The following GPC5 variants were observed in gnomAD, a reference collection of about 807,000 sequenced individuals.
GPC5 encodes the protein glypican 5.
A neutral mutation model predicts 53.9 loss-of-function variants in GPC5; 47 were observed. That is an observed-to-expected ratio of 0.87 (90% CI 0.69 to 1.11). GPC5 has a LOEUF of 1.11. GPC5 is among the 50% of genes most tolerant of loss of function. The pLI is 0.00. For missense variants in GPC5, 748 were observed against 713.1 expected, an observed-to-expected ratio of 1.05 and a Z score of -0.56; for synonymous variants, 286 against 263.3, an observed-to-expected ratio of 1.09 and a Z score of -0.84.
intron 2 of GPC5, among the ~76,000 whole-genome samples, chr13:91,556,570 TACAC>T (rs779133756): frequency 6.7e-6 from 1 of 149,776 alleles, no homozygotes; most frequent in African/African-American, 2.5e-5. Flanking sequence ...TATATATATA[TACAC>T]ACACACAGAC....
chr13:92,570,759 A>C (rs1458561773), intron 7 of GPC5, among the ~76,000 whole-genome samples: 1 of 152,142 alleles, frequency 6.6e-6, no homozygotes, highest in Non-Finnish European at 1.5e-5. Context: ...TCTGAATTGA[A>C]ATTTAACTAC....
chr13:92,037,939 A>G (rs1393009847), intron 6 of GPC5, among the ~76,000 whole-genome samples: 1 of 152,134 alleles, frequency 6.6e-6, no homozygotes, highest in East Asian at 1.9e-4. Context: ...CTTATATCTA[A>G]AAATGATCGT....
At chr13:92,176,754 C>A (rs527887926) in intron 7 of GPC5, among the ~76,000 whole-genome samples, 1 of 152,262 alleles carries the variant, frequency 6.6e-6, no homozygotes, top group Admixed American at 6.5e-5. Context: ...CGGCCACATC[C>A]AAGCACTTCT....
intron 7 of GPC5, among the ~76,000 whole-genome samples, chr13:92,498,321 T>C (rs1207899732): frequency 6.6e-6 from 1 of 152,168 alleles, no homozygotes; most frequent in African/African-American, 2.4e-5. Flanking sequence ...AGGGGCCACA[T>C]GTGCCATATG....
Position 91,693,490 on chromosome 13 carries a change from G to A in GPC5, c.629G>A (p.Arg210Lys), listed in dbSNP as rs1456569867. 2 of 1,613,988 alleles carry A rather than the reference G, an allele frequency of 1.2e-6. No individual in the cohort carries two copies. Among genetic ancestry groups the A allele is most frequent in the African/African-American group, 2.7e-5 (2 of 74,914 alleles). ...AGTCCATTTGGTAATATTCCCCAAAGAGTAATGGGACAGATGGGGAGGTCC... is the reference window on the plus strand; with the variant it reads ...AGTCCATTTGGTAATATTCCCCAAAAAGTAATGGGACAGATGGGGAGGTCC... Reference protein sequence around the residue: ...DVSPFGNIPQRVMGQMGRSLL... With the variant: ...DVSPFGNIPQKVMGQMGRSLL... Residue 210 changes from arginine to lysine, a missense_variant, in exon 3 of 8, where the codon AGA becomes AAA. Transcript: ENST00000377067.
chr13:92,593,622 G>A (rs763343998), intron 7 of GPC5, among the ~76,000 whole-genome samples: 4 of 151,406 alleles, frequency 2.6e-5, no homozygotes, highest in Non-Finnish European at 5.9e-5. Context: ...AGAATGGGAA[G>A]AGAAGATGTT....
chr13:92,751,982 T>C lies in GPC5; in HGVS notation c.1562-114300T>C, dbSNP rs568159260. Reference sequence around the variant, plus strand: ...AAAAAAAGTTTTCATTTGTATCTAATTATGTTATGAATTGAATATAATAGT... The same window carrying C: ...AAAAAAAGTTTTCATTTGTATCTAACTATGTTATGAATTGAATATAATAGT... On this transcript the variant is annotated intron_variant, in intron 7 of 7. Coordinates refer to ENST00000377067, the MANE Select transcript of GPC5 (RefSeq NM_004466.6). Among the ~76,000 whole-genome samples the C allele has an allele frequency of 4.6e-5, 7 of 152,236 alleles. 1 individual carries two copies. In the South Asian group the frequency reaches 1.5e-3, roughly 32 times the overall value.
intron 2 of GPC5, among the ~76,000 whole-genome samples, chr13:91,690,262 TAGAGA>T (rs1340229584): frequency 3.3e-5 from 5 of 152,196 alleles, no homozygotes; most frequent in Non-Finnish European, 7.4e-5. Context: ...CATGTGTTAT[TAGAGA>T]AAAGTTTTAA....
chr13:92,719,540 A>G (rs1281849377), intron 7 of GPC5, among the ~76,000 whole-genome samples: 2 of 152,308 alleles, frequency 1.3e-5, no homozygotes, highest in East Asian at 3.9e-4. Flanking sequence ...ATAGCTTTTC[A>G]AAACTATCAG....
At chr13:92,066,191 A>G (rs2041166081) in intron 6 of GPC5, among the ~76,000 whole-genome samples, 1 of 152,050 alleles carries the variant, frequency 6.6e-6, no homozygotes, top group African/African-American at 2.4e-5. Context: ...TGAAAATAGG[A>G]AAAGTTGCTC....
Position 92,143,107 on chromosome 13 carries a change from T to C in GPC5, c.1402-1723T>C, listed in dbSNP as rs78235842. Among the ~76,000 whole-genome samples, 393 of 152,262 alleles carry C rather than the reference T, an allele frequency of 2.6e-3. 3 individuals carry two copies. Among genetic ancestry groups the C allele is most frequent in the African/African-American group, 8.1e-3 (336 of 41,566 alleles). On this transcript the variant is annotated intron_variant, in intron 6 of 7. Coordinates refer to ENST00000377067, the MANE Select transcript of GPC5 (RefSeq NM_004466.6). The stretch of plus-strand genomic sequence containing the variant: ...CACAATATGAGCAATGGTCCAGGTG[T>C]ATTATTGTCCCTATTATAGATTTGA...
chr13:91,519,442 C>G (rs1437406146), intron 2 of GPC5, among the ~76,000 whole-genome samples: 1 of 152,104 alleles, frequency 6.6e-6, no homozygotes, highest in Non-Finnish European at 1.5e-5. Flanking sequence ...TGGGATCGGA[C>G]TTTCCTCTTT....
At chr13:92,751,149 G>A (rs1056653913) in intron 7 of GPC5, among the ~76,000 whole-genome samples, 4 of 151,694 alleles carry the variant, frequency 2.6e-5, no homozygotes, top group Admixed American at 6.6e-5. Context: ...AATTTAAGAT[G>A]TAGACATTTT....
chr13:92,517,300 G>C (rs532401644), intron 7 of GPC5, among the ~76,000 whole-genome samples: 1 of 152,308 alleles, frequency 6.6e-6, no homozygotes, highest in African/African-American at 2.4e-5. Flanking sequence ...AATCTCTGCA[G>C]ACTTAAATGT....
chr13:92,368,720 A>G (rs1292951762), intron 7 of GPC5, among the ~76,000 whole-genome samples: 1 of 151,774 alleles, frequency 6.6e-6, no homozygotes, highest in Non-Finnish European at 1.5e-5. Flanking sequence ...CAATTATGAA[A>G]TTTGTGATAG....
intron 5 of GPC5, among the ~76,000 whole-genome samples, chr13:91,832,610 G>T (rs578096329): frequency 6.6e-6 from 1 of 151,782 alleles, no homozygotes; most frequent in South Asian, 2.1e-4. Flanking sequence ...TTTTGCAGTG[G>T]CAGATACTGG....
intron 7 of GPC5, among the ~76,000 whole-genome samples, chr13:92,185,094 ACT>A (rs1566474865): frequency 6.6e-6 from 1 of 152,162 alleles, no homozygotes. Flanking sequence ...AGTTAGATGC[ACT>A]GAGTCCCATT....
chr13:92,714,353 G>C (rs1888254501), intron 7 of GPC5, among the ~76,000 whole-genome samples: 1 of 152,162 alleles, frequency 6.6e-6, no homozygotes, highest in Non-Finnish European at 1.5e-5. Flanking sequence ...TATTTTTCAT[G>C]TGACTATGAA....
chr13:92,553,584 C>T (rs1016001536), intron 7 of GPC5, among the ~76,000 whole-genome samples: 1 of 151,762 alleles, frequency 6.6e-6, no homozygotes, highest in South Asian at 2.1e-4. Flanking sequence ...CATATAGGGC[C>T]GTAGAAGGTG....
Sources: gnomAD v4.1 joint callset for allele counts (sites outside exome capture counted in the v4.1 genomes callset) on GRCh38, gnomAD v4.1.1 for gene constraint, MANE v1.5 for transcripts, NCBI Gene and HGNC (gene_info 2026-07-23, HGNC 2026-07-21) for gene names.